KRCC1: variants seen among roughly 807,000 people sequenced by gnomAD.
KRCC1 encodes lysine rich coiled-coil 1, also known as lysine-rich coiled-coil protein 1.
Under a neutral mutation model 7.4 loss-of-function variants are expected in KRCC1, and 3 were observed. That is an observed-to-expected ratio of 0.40 (90% CI 0.18 to 1.04). KRCC1 has a LOEUF of 1.04. Among genes scored for constraint, KRCC1 ranks in the 50% least tolerant of loss-of-function variants. The pLI, the probability that KRCC1 is intolerant of heterozygous loss-of-function variation, is 0.33. For synonymous variants in KRCC1, 102 were observed against 101.6 expected, an observed-to-expected ratio of 1.00 and a Z score of -0.02; for missense variants, 277 against 300.9, an observed-to-expected ratio of 0.92 and a Z score of 0.59.
intron 3 of KRCC1, among the ~76,000 whole-genome samples, chr2:88,031,060 T>C (rs769605154): frequency 1.3e-5 from 1 of 77,678 alleles, no homozygotes; most frequent in Non-Finnish European, 2.8e-5. Context: ...TACTATACTA[T>C]ATTTTAAATT....
intron 1 of KRCC1, among the ~76,000 whole-genome samples, chr2:88,051,096 ATT>A (rs557946792): frequency 1.4e-5 from 2 of 143,344 alleles, no homozygotes; most frequent in East Asian, 2.0e-4. Flanking sequence ...GCTAATTTTT[ATT>A]TTTTTTTTTT....
At chr2:88,029,911 G>A (rs968269247) in intron 3 of KRCC1, among the ~76,000 whole-genome samples, 2 of 148,110 alleles carry the variant, frequency 1.4e-5, no homozygotes, top group African/African-American at 2.5e-5. Flanking sequence ...TCAATGGCAC[G>A]ATCTCGTCTC....
At chr2:88,048,825 T>C (rs939072131) in intron 1 of KRCC1, among the ~76,000 whole-genome samples, 1 of 152,220 alleles carries the variant, frequency 6.6e-6, no homozygotes, top group Non-Finnish European at 1.5e-5. Flanking sequence ...AGCACAGCAC[T>C]AAATTTTGGG....
chr2:88,050,393 G>T (rs910450618), intron 1 of KRCC1, among the ~76,000 whole-genome samples: 2 of 152,156 alleles, frequency 1.3e-5, no homozygotes, highest in Admixed American at 1.3e-4. Flanking sequence ...GGCTGAGGTA[G>T]GCAGATCACT....
At chr2:88,048,295 T>C (rs1048303743) in intron 1 of KRCC1, among the ~76,000 whole-genome samples, 1 of 152,114 alleles carries the variant, frequency 6.6e-6, no homozygotes, top group African/African-American at 2.4e-5. Context: ...TTGGTCAAGC[T>C]GGTCTCTAAC....
intron 3 of KRCC1, among the ~76,000 whole-genome samples, chr2:88,029,722 T>C (rs949270673): frequency 7.2e-5 from 11 of 151,812 alleles, no homozygotes; most frequent in African/African-American, 2.7e-4. Flanking sequence ...TGATTCTTTT[T>C]TGGGGGGAAG....
At chr2:88,044,009 TG>T (rs1321988194) in intron 1 of KRCC1, among the ~76,000 whole-genome samples, 32 of 152,252 alleles carry the variant, frequency 2.1e-4, no homozygotes, top group African/African-American at 7.7e-4. Context: ...AAGAACTCTA[TG>T]GGCTCAGTAC....
At chr2:88,054,016 A>G (rs892403166) in intron 1 of KRCC1, among the ~76,000 whole-genome samples, 2 of 152,230 alleles carry the variant, frequency 1.3e-5, no homozygotes, top group Non-Finnish European at 2.9e-5. Context: ...ATCAAGCACT[A>G]TCAACTAAAA....
At chr2:88,043,549 T>C (rs1320887443) in intron 1 of KRCC1, among the ~76,000 whole-genome samples, 1 of 152,268 alleles carries the variant, frequency 6.6e-6, no homozygotes. Context: ...TAAATGCATA[T>C]TGCCTTTTAA....
rs1375677471 is a variant in KRCC1 at position 88,027,836 on chromosome 2, T to G, written c.728A>C (p.Gln243Pro). 6.2e-7 allele frequency: 1 copy of G among 1,608,618 alleles called. No homozygotes were observed. The highest frequency in any genetic ancestry group is 1.7e-5 in the Admixed American group (1 of 58,600). The change falls in exon 4 of 4, where the codon CAA (glutamine) becomes CCA (proline). Residue 243 changes from glutamine to proline, a missense_variant. Physicochemically the swap from Gln to Pro is moderately conservative, Grantham distance 76. Transcript: ENST00000347055. ...KRTKKKKEQG[Q>P]ERTEEEMLWD... Reference sequence around the variant, plus strand: ...AAGCATTTCCTCCTCTGTCCTTTCTTGGCCTTGTTCCTTTTTCTTTTTTGT... The same window carrying G: ...AAGCATTTCCTCCTCTGTCCTTTCTGGGCCTTGTTCCTTTTTCTTTTTTGT...
chr2:88,050,306 T>G (rs923350441), intron 1 of KRCC1, among the ~76,000 whole-genome samples: 3 of 152,104 alleles, frequency 2.0e-5, no homozygotes, highest in Non-Finnish European at 4.4e-5. Flanking sequence ...CAAAACCGAG[T>G]CAATTTTTTT....
chr2:88,028,664 T>TTTTTTTTTTTTTTTTTTTC (rs60603649), intron 3 of KRCC1, 79 bp from the exon 4 acceptor site: 1 of 712,272 alleles, frequency 1.4e-6, no homozygotes. Context: ...TTTTTTTTTT[T>TTTTTTTTTTTTTTTTTTTC]CTTGAGATGG....
Position 88,034,282 on chromosome 2 carries a change from C to T in KRCC1, c.-171G>A, listed in dbSNP as rs1673050141. On this transcript the variant is annotated 5_prime_UTR_variant, in exon 3 of 4. It adds an upstream start codon to the 5' untranslated region. Coordinates refer to ENST00000347055, the MANE Select transcript of KRCC1 (RefSeq NM_016618.3). ...AAATCAATTTTTGTCCAATTCTCCA[C>T]TCTCACTCATCTGAAACCAAACACA... is the stretch of plus-strand genomic sequence containing the variant. 1.3e-5 allele frequency: 2 copies of T among 152,588 alleles called. No homozygotes were observed. Among genetic ancestry groups the T allele is most frequent in the South Asian group, 2.1e-4 (1 of 4,824 alleles). The allele number at this position is 152,588 out of a possible 1,614,324, so 9.5% of individuals were successfully genotyped here. A position where few individuals can be genotyped will look rare whatever the true frequency, so the allele number is the denominator to read the frequency against.
chr2:88,042,006 T>C (rs1056128794), intron 1 of KRCC1, among the ~76,000 whole-genome samples: 13 of 152,288 alleles, frequency 8.5e-5, no homozygotes, highest in East Asian at 5.8e-4. Flanking sequence ...CTGAATTATT[T>C]TTCTAAATGC....
chr2:88,039,058 G>A (rs902502992), intron 1 of KRCC1, among the ~76,000 whole-genome samples: 1 of 152,116 alleles, frequency 6.6e-6, no homozygotes, highest in Non-Finnish European at 1.5e-5. Context: ...TTGACAGTCT[G>A]ATCTTGTGTG....
In KRCC1 at chr2:88,031,718, G is replaced by A. The variant is rs1286523926; in HGVS notation, c.-23+2416C>T. Reference sequence around the variant, plus strand: ...AGAAATAAAATATTTTTGTGCAGCTGGACAATGTGTTTTAACCTAAGTGTG... The same window carrying A: ...AGAAATAAAATATTTTTGTGCAGCTAGACAATGTGTTTTAACCTAAGTGTG... On this transcript the variant is annotated intron_variant, in intron 3 of 3. Transcript: ENST00000347055. Among the ~76,000 whole-genome samples, 7 of 151,876 alleles carry A rather than the reference G, an allele frequency of 4.6e-5. No individual in the cohort carries two copies. The East Asian group carries it at 1.2e-3, about 25-fold the overall frequency.
chr2:88,035,356 C>T (rs1275618515), intron 2 of KRCC1, among the ~76,000 whole-genome samples: 1 of 152,060 alleles, frequency 6.6e-6, no homozygotes, highest in Non-Finnish European at 1.5e-5. Flanking sequence ...TAATTCTGGT[C>T]AATAAGAAGA....
intron 1 of KRCC1, among the ~76,000 whole-genome samples, chr2:88,043,064 T>C (rs1254442228): frequency 6.6e-6 from 1 of 152,220 alleles, no homozygotes; most frequent in Non-Finnish European, 1.5e-5. Context: ...CTGTTTGTAC[T>C]ACACTGAAGT....
chr2:88,043,492 T>C (rs1013861948), intron 1 of KRCC1, among the ~76,000 whole-genome samples: 1 of 152,246 alleles, frequency 6.6e-6, no homozygotes, highest in Non-Finnish European at 1.5e-5. Context: ...GATTTATTAG[T>C]AATCTTTCAT....
Sources: gnomAD v4.1 joint callset for allele counts (sites outside exome capture counted in the v4.1 genomes callset) on GRCh38, gnomAD v4.1.1 for gene constraint, MANE v1.5 for transcripts, NCBI Gene and HGNC (gene_info 2026-07-23, HGNC 2026-07-21) for gene names.